CSTF3: variants seen among roughly 807,000 people sequenced by gnomAD.
The protein encoded by CSTF3 is CF-1 77 kDa subunit.
Under a neutral mutation model 105.8 loss-of-function variants are expected in CSTF3, and 29 were observed. The observed-to-expected ratio is 0.27, with a 90% CI of 0.20 to 0.37. The LOEUF (loss-of-function observed/expected upper bound fraction) is 0.37. Ranked by LOEUF, CSTF3 falls within the 10% of genes least tolerant of loss-of-function variation. The pLI is 1.00. For synonymous variants in CSTF3, 252 were observed against 281.9 expected, an observed-to-expected ratio of 0.89 and a Z score of 1.06; for missense variants, 357 against 879.3, an observed-to-expected ratio of 0.41 and a Z score of 7.51.
At chr11:33,106,184 A>G in intron 5 of CSTF3, 120 bp from the exon 6 acceptor site, 1 of 696,826 alleles carries the variant, frequency 1.4e-6, no homozygotes, top group East Asian at 2.7e-5. Context: ...CCGAGGCAGA[A>G]GGATCACTTG....
At chr11:33,093,768 C>A (rs999328317) in intron 15 of CSTF3, among the ~76,000 whole-genome samples, 3 of 152,020 alleles carry the variant, frequency 2.0e-5, no homozygotes, top group African/African-American at 7.2e-5. Context: ...AGTGCAGTGG[C>A]GCAATATCAG....
At chr11:33,121,516 C>T (rs956581471) in intron 3 of CSTF3, among the ~76,000 whole-genome samples, 2 of 152,066 alleles carry the variant, frequency 1.3e-5, no homozygotes, top group Non-Finnish European at 2.9e-5. Context: ...ATTTTACCTC[C>T]TCTAATTATA....
chr11:33,102,394 G>T, intron 9 of CSTF3, 55 bp from the exon 10 acceptor site: 1 of 1,559,922 alleles, frequency 6.4e-7, no homozygotes, highest in Non-Finnish European at 8.8e-7. Flanking sequence ...TGAGATATAT[G>T]GCGGATGGGG....
At position 33,141,899 on chromosome 11, in the gene CSTF3, T is replaced by C; in HGVS notation, c.115A>G (p.Ile39Val). ...PYDLDAWSIL[I>V]REAQNQPIDK... is the part of the protein sequence containing the mutation. ...TATCACTAAACCTGTGCCTCTCGAA[T>C]GAGAATGCTCCAAGCATCAAGGTCA... The change falls in exon 2 of 21, where the codon ATT becomes GTT. Residue 39 changes from isoleucine (I) to valine (V), a missense_variant. Around this residue, in one of 4 missense-constraint regions of CSTF3, gnomAD observed 78 missense variants for 180.4 expected, o/e 0.43. Coordinates refer to ENST00000323959, the MANE Select transcript of CSTF3 (RefSeq NM_001326.3). The C allele has an allele frequency of 6.2e-7, 1 of 1,600,640 alleles. No individual in the cohort carries two copies. The highest frequency in any genetic ancestry group is 8.5e-7 in the Non-Finnish European group (1 of 1,175,714).
chr11:33,157,402 A>G (rs1429084809), intron 1 of CSTF3, among the ~76,000 whole-genome samples: 1 of 152,174 alleles, frequency 6.6e-6, no homozygotes, highest in Non-Finnish European at 1.5e-5. Flanking sequence ...GAAATAAATA[A>G]TACAGCCATA....
intron 1 of CSTF3, among the ~76,000 whole-genome samples, chr11:33,150,196 C>T (rs12289960): frequency 7.9e-6 from 1 of 126,310 alleles, no homozygotes; most frequent in African/African-American, 2.8e-5. Flanking sequence ...GCCTGGGCAA[C>T]AGATGGAGAC....
intron 3 of CSTF3, among the ~76,000 whole-genome samples, chr11:33,134,049 A>G (rs183078006): frequency 6.6e-6 from 1 of 152,358 alleles, no homozygotes; most frequent in South Asian, 2.1e-4. Context: ...ATTAAAGTTC[A>G]TAATATATTC....
intron 3 of CSTF3, among the ~76,000 whole-genome samples, chr11:33,137,937 A>G (rs1447604786): frequency 2.6e-5 from 4 of 151,782 alleles, no homozygotes; most frequent in African/African-American, 7.2e-5. Context: ...CAACAGTGGA[A>G]AAGTTTATTT....
Position 33,099,559 on chromosome 11 carries a change from T to C in CSTF3, c.936+49A>G. The stretch of plus-strand genomic sequence containing the variant: ...TATATTTTTCAGTAAATAATTGCTA[T>C]ATCAAAACCACAAAAATATCAAAGT... On this transcript the variant is annotated intron_variant, in intron 11 of 20. Coordinates refer to ENST00000323959, the MANE Select transcript of CSTF3 (RefSeq NM_001326.3). This position sits in a 1 kb window ranked among gnomAD's most constrained non-coding sequence, Gnocchi z 4.1. The C allele has an allele frequency of 8.1e-7, 1 of 1,232,862 alleles. No homozygotes were observed. Among genetic ancestry groups the C allele is most frequent in the Non-Finnish European group, 1.2e-6 (1 of 861,538 alleles). 76.4% of individuals were successfully genotyped at this position (1,232,862 alleles called of 1,614,324 possible).
intron 15 of CSTF3, 116 bp downstream of exon 15, chr11:33,096,179 TGAGTGCCTAAC>T: frequency 3.4e-6 from 2 of 582,536 alleles, no homozygotes; most frequent in Non-Finnish European, 5.8e-6. Context: ...AAGTATTTCT[TGAGTGCCTAAC>T]AAGTGCCTGT....
rs11338805 is a variant in CSTF3, at chr11:33,118,747, T to TA, written c.226-10330dup. On this transcript the variant is annotated intron_variant, in intron 3 of 20. Transcript: ENST00000323959. ...AAATCAAGTTCATAAACCTCTGATC[T>TA]AAAAAAAAAAAACAAAAAATGACAT... Among the ~76,000 whole-genome samples, 301 of 144,534 alleles carry TA rather than the reference T, an allele frequency of 2.1e-3. 1 individual carries two copies. Among genetic ancestry groups the TA allele is most frequent in the Middle Eastern group, 7.1e-3 (2 of 282 alleles). The allele number at this position is 144,534 out of a possible 152,430, so 94.8% of individuals were successfully genotyped here. A position where few individuals can be genotyped will look rare whatever the true frequency, so the allele number is the denominator to read the frequency against.
At chr11:33,122,914 C>CAAAAAAAAAAAAAAAAAAAAAAA (rs10600978) in intron 3 of CSTF3, among the ~76,000 whole-genome samples, 15 of 83,794 alleles carry the variant, frequency 1.8e-4, no homozygotes, top group Middle Eastern at 7.4e-3. Context: ...TATCCTGTCT[C>CAAAAAAAAAAAAAAAAAAAAAAA]AAAAAAAAAA....
chr11:33,156,399 G>A (rs949037975), intron 1 of CSTF3, among the ~76,000 whole-genome samples: 1 of 152,098 alleles, frequency 6.6e-6, no homozygotes. Context: ...TTTACCTAAC[G>A]AAATAAACCA....
chr11:33,144,711 T>C (rs1292287178), intron 1 of CSTF3, among the ~76,000 whole-genome samples: 2 of 152,286 alleles, frequency 1.3e-5, no homozygotes, highest in South Asian at 2.1e-4. Flanking sequence ...ATTTCTGCAT[T>C]GGAAAAGCTC....
chr11:33,086,911 C>T, intron 18 of CSTF3, 77 bp downstream of exon 18: 1 of 1,532,766 alleles, frequency 6.5e-7, no homozygotes, highest in East Asian at 2.3e-5. Flanking sequence ...GAGGCCATGT[C>T]ACTTTACCCC....
chr11:33,090,565 GC>G lies in CSTF3; in HGVS notation c.1607del (p.Cys536SerfsTer6). 6.2e-7 allele frequency: 1 copy of G among 1,602,464 alleles called. No homozygotes were observed. Among genetic ancestry groups the G allele is most frequent in the Admixed American group, 1.8e-5 (1 of 56,842 alleles). Reference protein sequence around the residue: ...DRYKFMDLYPCSASELKALGY... With the variant: ...DRYKFMDLYPXSASELKALGY... ...CAAGTGCTTTTAATTCACTTGCAGA[GC>G]AAGGATATAAATCCATGAACTTGTA... On this transcript the variant is annotated frameshift_variant, in exon 17 of 21. Transcript: ENST00000323959. LOFTEE classifies it high-confidence loss of function.
chr11:33,103,055 G>T, intron 9 of CSTF3, 52 bp downstream of exon 9: 1 of 1,197,072 alleles, frequency 8.4e-7, no homozygotes, highest in Non-Finnish European at 1.2e-6. Context: ...AAGCTCTGCT[G>T]TAAACAACAG....
chr11:33,124,570 A>AC (rs1173357430), intron 3 of CSTF3, among the ~76,000 whole-genome samples: 2 of 152,164 alleles, frequency 1.3e-5, no homozygotes, highest in Non-Finnish European at 2.9e-5. Flanking sequence ...GAAGCTAAAA[A>AC]CAGACCACCA....
intron 3 of CSTF3, among the ~76,000 whole-genome samples, chr11:33,133,503 A>G (rs544495723): frequency 9.2e-5 from 14 of 152,210 alleles, no homozygotes; most frequent in Non-Finnish European, 1.9e-4. Flanking sequence ...ACACATGACC[A>G]TTTTGGTGGC....
Sources: allele counts gnomAD v4.1 joint callset (sites outside exome capture counted in the v4.1 genomes callset), GRCh38; gene constraint gnomAD v4.1.1; regional missense constraint gnomAD v4.1.1; non-coding constraint Gnocchi (gnomAD v3.1); transcripts MANE v1.5; gene names NCBI Gene and HGNC (gene_info 2026-07-23, HGNC 2026-07-21).